RABGAP1L: variants seen among roughly 807,000 people sequenced by gnomAD.
The protein encoded by RABGAP1L is rab GTPase-activating protein 1-like.
RABGAP1L carries 63 observed loss-of-function variants against 137.7 expected under a neutral mutation model. The ratio of observed to expected loss-of-function variants is 0.46; its 90% CI spans 0.37 to 0.56. RABGAP1L has a LOEUF of 0.56. Ranked by LOEUF, RABGAP1L falls within the 20% of genes least tolerant of loss-of-function variation. The pLI, the probability that RABGAP1L is intolerant of heterozygous loss-of-function variation, is 0.00. For missense variants in RABGAP1L, 1,095 were observed against 1,244.0 expected (o/e 0.88, Z 1.80); for synonymous variants, 431 against 433.7 (o/e 0.99, Z 0.08).
rs756783714 is a variant in RABGAP1L at position 174,734,954 on chromosome 1, C to CTT, written c.2170-17336_2170-17335dup. On this transcript the variant is annotated intron_variant, in intron 17 of 25. Coordinates refer to ENST00000681986, the MANE Select transcript of RABGAP1L (RefSeq NM_001366446.1). ...TAATTTGGGAAATTAGGATCTCTCT[C>CTT]TTTTTTTTTTTTTTTTTTTTTTTTA... Among the ~76,000 whole-genome samples the CTT allele has an allele frequency of 1.9e-3, 184 of 96,040 alleles. 2 individuals carry two copies. Among genetic ancestry groups the CTT allele is most frequent in the East Asian group, 7.7e-3 (27 of 3,504 alleles). The allele number at this position is 96,040 out of a possible 152,430, so 63.0% of individuals were successfully genotyped here.
chr1:174,349,915 C>A (rs1682938201), intron 11 of RABGAP1L, among the ~76,000 whole-genome samples: 1 of 142,214 alleles, frequency 7.0e-6, no homozygotes, highest in Non-Finnish European at 1.6e-5. Flanking sequence ...GGGGCTGACC[C>A]CCCCCCACCT....
At chr1:174,161,079 CT>C (rs1664397022) in intron 1 of RABGAP1L, among the ~76,000 whole-genome samples, 1 of 152,064 alleles carries the variant, frequency 6.6e-6, no homozygotes, top group African/African-American at 2.4e-5. Context: ...TAGCTCTAGA[CT>C]TTGAGTTAGA....
chr1:174,362,880 G>T (rs1028241812), intron 11 of RABGAP1L, among the ~76,000 whole-genome samples: 2 of 152,108 alleles, frequency 1.3e-5, no homozygotes, highest in Non-Finnish European at 2.9e-5. Flanking sequence ...GTCTCGAATG[G>T]TATTGCTGAG....
intron 7 of RABGAP1L, among the ~76,000 whole-genome samples, chr1:174,264,432 A>T (rs528996182): frequency 6.6e-6 from 1 of 152,222 alleles, no homozygotes; most frequent in South Asian, 2.1e-4. Context: ...ATCCAGTCTC[A>T]TGACTTTAAA....
At chr1:174,722,552 C>T (rs748931415) in intron 17 of RABGAP1L, among the ~76,000 whole-genome samples, 12 of 151,700 alleles carry the variant, frequency 7.9e-5, no homozygotes, top group Admixed American at 4.6e-4. Context: ...TGGGTTCAAG[C>T]GATTCCCCTG....
At chr1:174,878,925 G>GTTTTTTTTTTTTTTTTTTTT (rs869251284) in intron 19 of RABGAP1L, among the ~76,000 whole-genome samples, 1 of 85,184 alleles carries the variant, frequency 1.2e-5, no homozygotes, top group Admixed American at 1.4e-4. Context: ...TTTGTGCATT[G>GTTTTTTTTTTTTTTTTTTTT]TTTTTTTTTT....
At chr1:174,965,488 AC>A (rs1327527929) in intron 20 of RABGAP1L, among the ~76,000 whole-genome samples, 1 of 152,146 alleles carries the variant, frequency 6.6e-6, no homozygotes, top group African/African-American at 2.4e-5. Flanking sequence ...ATACAGGCAA[AC>A]TTTTTCTAGA....
intron 6 of RABGAP1L, among the ~76,000 whole-genome samples, chr1:174,251,897 ATTT>A (rs747467937): frequency 2.1e-5 from 3 of 140,102 alleles, no homozygotes; most frequent in Non-Finnish European, 3.1e-5. Context: ...TCATGTTGTC[ATTT>A]TTTTTTTTTT....
At chr1:174,370,485 T>TG (rs1685022718) in intron 11 of RABGAP1L, among the ~76,000 whole-genome samples, 2 of 147,628 alleles carry the variant, frequency 1.4e-5, no homozygotes, top group East Asian at 3.9e-4. Context: ...TTTTTTTTTT[T>TG]TTACAAATAC....
At chr1:174,747,426 A>C (rs892517820) in intron 17 of RABGAP1L, among the ~76,000 whole-genome samples, 4 of 145,526 alleles carry the variant, frequency 2.7e-5, no homozygotes, top group East Asian at 2.0e-4. Context: ...AAAAAAAAAA[A>C]CCTGATAGAA....
At chr1:174,840,343 C>T (rs1257368456) in intron 19 of RABGAP1L, among the ~76,000 whole-genome samples, 1 of 152,122 alleles carries the variant, frequency 6.6e-6, no homozygotes, top group Non-Finnish European at 1.5e-5. Flanking sequence ...ATGCACAACT[C>T]CAGACTACAA....
chr1:174,355,418 A>T (rs371119747), intron 11 of RABGAP1L, among the ~76,000 whole-genome samples: 1,872 of 145,302 alleles, frequency 0.013, 16 homozygotes, highest in Non-Finnish European at 0.019. Flanking sequence ...AACAATGAGA[A>T]CACGTGGACA....
At chr1:174,963,226 T>G (rs1228148810) in intron 20 of RABGAP1L, among the ~76,000 whole-genome samples, 1 of 152,172 alleles carries the variant, frequency 6.6e-6, no homozygotes, top group Admixed American at 6.6e-5. Context: ...TAAGGAATAG[T>G]AATAGACACA....
intron 11 of RABGAP1L, among the ~76,000 whole-genome samples, chr1:174,360,906 C>CA (rs1684080597): frequency 6.6e-6 from 1 of 152,058 alleles, no homozygotes; most frequent in Non-Finnish European, 1.5e-5. Flanking sequence ...CCTGTAATCC[C>CA]AGCACTTTGG....
intron 15 of RABGAP1L, among the ~76,000 whole-genome samples, chr1:174,695,332 G>A (rs1223496124): frequency 6.6e-6 from 1 of 151,590 alleles, no homozygotes; most frequent in Non-Finnish European, 1.5e-5. Flanking sequence ...CTCTGACTAT[G>A]TATTTTCATA....
At chr1:174,238,079 T>C (rs1006166018) in intron 4 of RABGAP1L, among the ~76,000 whole-genome samples, 7 of 152,170 alleles carry the variant, frequency 4.6e-5, no homozygotes, top group Non-Finnish European at 8.8e-5. Context: ...CTGAGGCTTC[T>C]GCATTATTCA....
chr1:174,772,559 C>T (rs1185967578), intron 18 of RABGAP1L, among the ~76,000 whole-genome samples: 5 of 105,468 alleles, frequency 4.7e-5, no homozygotes, highest in African/African-American at 1.8e-4. Context: ...CAGAGCAAGA[C>T]TCCATCTCAA....
At chr1:174,252,339 TG>T in intron 6 of RABGAP1L, 140 bp from the exon 7 acceptor site, 1 of 925,670 alleles carries the variant, frequency 1.1e-6, no homozygotes, top group Non-Finnish European at 1.5e-6. Flanking sequence ...TTGCTGCCTG[TG>T]GCAAGGTGAG....
At chr1:174,717,089 C>T in intron 17 of RABGAP1L, among the ~76,000 whole-genome samples, 1 of 152,102 alleles carries the variant, frequency 6.6e-6, no homozygotes, top group Non-Finnish European at 1.5e-5. Flanking sequence ...TGCAAATATA[C>T]ATAAAAGATC....
Sources: allele counts gnomAD v4.1 joint callset (sites outside exome capture counted in the v4.1 genomes callset), GRCh38; gene constraint gnomAD v4.1.1; transcripts MANE v1.5; gene names NCBI Gene and HGNC (gene_info 2026-07-23, HGNC 2026-07-21).